IMMP2L: variants seen among roughly 807,000 people sequenced by gnomAD.
IMMP2L encodes inner mitochondrial membrane peptidase subunit 2, also known as mitochondrial inner membrane protease subunit 2.
A neutral mutation model predicts 19.3 loss-of-function variants in IMMP2L; 18 were observed. That is an observed-to-expected ratio of 0.93 (90% CI 0.64 to 1.38). IMMP2L has a LOEUF of 1.38. Ranked by LOEUF, IMMP2L falls within the 40% of genes most tolerant of loss-of-function variation. The pLI, the probability that IMMP2L is intolerant of heterozygous loss-of-function variation, is 0.00. For missense variants in IMMP2L, 233 were observed against 218.2 expected (o/e 1.07, Z -0.43); for synonymous variants, 76 against 73.0 (o/e 1.04, Z -0.21).
At position 111,033,312 on chromosome 7, in the gene IMMP2L, T is replaced by C. The variant is rs1043145342; in HGVS notation, c.240-69747A>G. On this transcript the variant is annotated intron_variant, in intron 3 of 5. Coordinates refer to ENST00000405709, the MANE Select transcript of IMMP2L (RefSeq NM_032549.4). ...CAACCGTGACTAAAACCCAAAACAC[T>C]GACTACAGCAAATGCTGACAAAGAT... Among the ~76,000 whole-genome samples the C allele has an allele frequency of 2.0e-5, 3 of 152,106 alleles. 1 individual carries two copies. Among genetic ancestry groups the C allele is most frequent in the Admixed American group, 1.3e-4 (2 of 15,272 alleles).
rs1468409131 is a variant in IMMP2L at position 111,517,874 on chromosome 7, A to T, written c.135+3439T>A. On this transcript the variant is annotated intron_variant, in intron 2 of 5. Transcript: ENST00000405709. ...GCATGAGGGGAATAGGTCAGTATGAATAATCATTAACCAACAATTTGTGCC... is the reference window on the plus strand; with the variant it reads ...GCATGAGGGGAATAGGTCAGTATGATTAATCATTAACCAACAATTTGTGCC... 2.0e-5 allele frequency among the ~76,000 whole-genome samples: 3 copies of T among 152,254 alleles called. No individual in the cohort carries two copies. The East Asian group carries it at 5.8e-4, about 29-fold the overall frequency.
At chr7:111,289,104 T>TC (rs1663220918) in intron 3 of IMMP2L, among the ~76,000 whole-genome samples, 1 of 152,236 alleles carries the variant, frequency 6.6e-6, no homozygotes, top group African/African-American at 2.4e-5. Flanking sequence ...AAGGATGAGT[T>TC]CGTGTCCTTT....
Position 111,534,797 on chromosome 7 carries a change from G to C in IMMP2L, c.-2-13348C>G, listed in dbSNP as rs183091286. Among the ~76,000 whole-genome samples the C allele has an allele frequency of 4.3e-4, 66 of 152,202 alleles. 1 individual carries two copies. The highest frequency in any genetic ancestry group is 1.4e-3 in the African/African-American group (57 of 41,536). On this transcript the variant is annotated intron_variant, in intron 1 of 5. Transcript: ENST00000405709. ...CCCAATTAAAGTGAAAGTCTCATTT[G>C]GTGGCTTCAAGACTTTCCACTGTTA... is the stretch of plus-strand genomic sequence containing the variant.
intron 3 of IMMP2L, among the ~76,000 whole-genome samples, chr7:111,477,149 A>T (rs1488889111): frequency 6.6e-6 from 1 of 152,144 alleles, no homozygotes; most frequent in South Asian, 2.1e-4. Context: ...AACAAAATAA[A>T]TAACTTTGCA....
intron 3 of IMMP2L, chr7:111,124,709 T>G (rs746527500): frequency 1.2e-6 from 2 of 1,613,950 alleles, no homozygotes; most frequent in South Asian, 2.2e-5. Flanking sequence ...ATATGTCTTA[T>G]CAGCTGCCTC....
intron 5 of IMMP2L, among the ~76,000 whole-genome samples, chr7:110,677,569 C>T (rs752034268): frequency 6.6e-6 from 1 of 152,072 alleles, no homozygotes; most frequent in Middle Eastern, 3.2e-3. Context: ...GCTTCCATTC[C>T]ACGTAAGCAC....
intron 3 of IMMP2L, among the ~76,000 whole-genome samples, chr7:111,459,807 G>C (rs190219230): frequency 1.1e-4 from 17 of 152,216 alleles, no homozygotes; most frequent in Non-Finnish European, 1.5e-5. Flanking sequence ...TCCCTCTTCA[G>C]TGCAGGGGGA....
chr7:111,106,397 T>C (rs1798551558), intron 3 of IMMP2L, among the ~76,000 whole-genome samples: 1 of 151,920 alleles, frequency 6.6e-6, no homozygotes, highest in Admixed American at 6.6e-5. Flanking sequence ...CTTGAAATAA[T>C]AGAAATCTCT....
intron 4 of IMMP2L, among the ~76,000 whole-genome samples, chr7:110,956,141 AT>A (rs959636084): frequency 6.6e-6 from 1 of 151,952 alleles, no homozygotes; most frequent in East Asian, 1.9e-4. Flanking sequence ...TGACAAATGG[AT>A]TTTTTTGCTA....
At position 110,743,479 on chromosome 7, in the gene IMMP2L, A is replaced by G. The variant is rs1190349150; in HGVS notation, c.409-79758T>C. Among the ~76,000 whole-genome samples, 3 of 152,196 alleles carry G rather than the reference A, an allele frequency of 2.0e-5. No individual in the cohort carries two copies. In the East Asian group the frequency reaches 5.8e-4, roughly 29 times the overall value. The stretch of plus-strand genomic sequence containing the variant: ...AAAAAAATAATTTCCAGTTGCTGGC[A>G]AGATGGCCAAATAGCAACAGCTCTG... On this transcript the variant is annotated intron_variant, in intron 5 of 5. Coordinates refer to ENST00000405709, the MANE Select transcript of IMMP2L (RefSeq NM_032549.4).
chr7:111,518,631 A>G (rs78750061), intron 2 of IMMP2L, among the ~76,000 whole-genome samples: 13,854 of 152,188 alleles, frequency 0.091, 788 homozygotes, highest in African/African-American at 0.14. Flanking sequence ...AGTTGATCAA[A>G]GCTGTATAGT....
At chr7:111,350,617 G>A (rs1279429445) in intron 3 of IMMP2L, among the ~76,000 whole-genome samples, 1 of 151,976 alleles carries the variant, frequency 6.6e-6, no homozygotes, top group Admixed American at 6.6e-5. Context: ...TTTATCTGAA[G>A]TCGTGTATTG....
chr7:110,774,587 T>C (rs1273904175), intron 5 of IMMP2L, among the ~76,000 whole-genome samples: 2 of 152,104 alleles, frequency 1.3e-5, no homozygotes, highest in Non-Finnish European at 2.9e-5. Flanking sequence ...ACTGCATATA[T>C]GGTAGCATTT....
At chr7:110,691,530 C>G (rs1465954220) in intron 5 of IMMP2L, among the ~76,000 whole-genome samples, 1 of 151,980 alleles carries the variant, frequency 6.6e-6, no homozygotes, top group Non-Finnish European at 1.5e-5. Flanking sequence ...AGACAAACCA[C>G]AGAATAAGAA....
At chr7:110,905,372 T>A (rs1405297620) in intron 4 of IMMP2L, among the ~76,000 whole-genome samples, 1 of 152,194 alleles carries the variant, frequency 6.6e-6, no homozygotes, top group East Asian at 1.9e-4. Flanking sequence ...AAATTAGATT[T>A]TTGAAAACTG....
At chr7:110,788,419 T>G (rs1369443771) in intron 5 of IMMP2L, among the ~76,000 whole-genome samples, 1 of 149,592 alleles carries the variant, frequency 6.7e-6, no homozygotes, top group Admixed American at 6.6e-5. Context: ...ACTCTCTTAG[T>G]AGCACTGGCT....
chr7:111,529,097 T>C (rs554981194), intron 1 of IMMP2L, among the ~76,000 whole-genome samples: 1 of 152,306 alleles, frequency 6.6e-6, no homozygotes, highest in East Asian at 1.9e-4. Flanking sequence ...TGCTAGACAC[T>C]ATGTTAAGAC....
intron 3 of IMMP2L, among the ~76,000 whole-genome samples, chr7:111,311,742 T>C (rs942494181): frequency 2.0e-5 from 3 of 152,126 alleles, no homozygotes; most frequent in African/African-American, 7.2e-5. Context: ...TTCTGTACCC[T>C]AGAGTCTGTA....
At chr7:111,437,568 T>C (rs751859480) in intron 3 of IMMP2L, among the ~76,000 whole-genome samples, 1 of 151,994 alleles carries the variant, frequency 6.6e-6, no homozygotes, top group Non-Finnish European at 1.5e-5. Context: ...TCTAGAAATA[T>C]ATGTAAAATA....
Sources: gnomAD v4.1 joint callset for allele counts (sites outside exome capture counted in the v4.1 genomes callset) on GRCh38, gnomAD v4.1.1 for gene constraint, MANE v1.5 for transcripts, NCBI Gene and HGNC (gene_info 2026-07-23, HGNC 2026-07-21) for gene names.